Variants in TSPAN18 observed in about 807,000 individuals in gnomAD.
TSPAN18 encodes the protein tetraspanin-18.
TSPAN18 carries 14 observed loss-of-function variants against 27.3 expected under a neutral mutation model. That is an observed-to-expected ratio of 0.51 (90% confidence interval 0.34 to 0.80). The LOEUF is 0.80. Among genes scored for constraint, TSPAN18 ranks in the 30% least tolerant of loss-of-function variants. The probability of loss-of-function intolerance (pLI) is 0.01; values close to 1 mark genes in which losing one functional copy is unlikely to be tolerated. For missense variants in TSPAN18, 268 were observed against 323.9 expected, an observed-to-expected ratio of 0.83 and a Z score of 1.32; for synonymous variants, 143 against 136.5, an observed-to-expected ratio of 1.05 and a Z score of -0.33.
In TSPAN18 at chr11:44,908,825, A is replaced by G. The variant is rs936943012; in HGVS notation, c.64-880A>G. On this transcript the variant is annotated intron_variant, in intron 4 of 9. Transcript: ENST00000520358. The stretch of plus-strand genomic sequence containing the variant: ...AAAGAAAGAAAGAAAGAAAGAAAGA[A>G]AGAAAAAGAAAAATGGAGCAGATAT... 2.8e-3 allele frequency among the ~76,000 whole-genome samples: 321 copies of G among 114,756 alleles called. 62 individuals are homozygous for G. The highest frequency in any genetic ancestry group is 0.011 in the African/African-American group (304 of 27,276). 75.3% of individuals were successfully genotyped at this position (114,756 alleles called of 152,430 possible). A position where few individuals can be genotyped will look rare whatever the true frequency, so the allele number is the denominator to read the frequency against.
chr11:44,919,377 C>T lies in TSPAN18; in HGVS notation c.432+65C>T, dbSNP rs549229369. On this transcript the variant is annotated intron_variant, in intron 7 of 9. Transcript: ENST00000520358. ...ACGATGCCCAGTGTTCACATGCCCA[C>T]GCCAGGCATCAGTAATCAATCCAGG... The T allele has an allele frequency of 4.0e-4, 542 of 1,349,410 alleles. 6 individuals are homozygous for T. In the South Asian group the frequency reaches 5.4e-3, roughly 13 times the overall value. The allele number at this position is 1,349,410 out of a possible 1,614,324, so 83.6% of individuals were successfully genotyped here.
intron 2 of TSPAN18, among the ~76,000 whole-genome samples, chr11:44,807,527 C>CAAAAAAAAAAAA (rs59241339): frequency 2.6e-3 from 170 of 64,320 alleles, no homozygotes; most frequent in Middle Eastern, 0.015. Flanking sequence ...AACTCCATCT[C>CAAAAAAAAAAAA]AAAAAAAAAA....
At chr11:44,900,206 C>T (rs1859207360) in intron 3 of TSPAN18, among the ~76,000 whole-genome samples, 1 of 152,198 alleles carries the variant, frequency 6.6e-6, no homozygotes, top group Non-Finnish European at 1.5e-5. Context: ...CAGTAGGCCT[C>T]TATAGGGGAT....
intron 4 of TSPAN18, chr11:44,909,397 C>T (rs1859623509): frequency 9.4e-6 from 3 of 320,468 alleles, no homozygotes; most frequent in Admixed American, 4.8e-5. Context: ...TCCTACAGGT[C>T]TGACATTTCA....
chr11:44,769,061 A>AT (rs1159974930), intron 2 of TSPAN18, among the ~76,000 whole-genome samples: 1 of 151,764 alleles, frequency 6.6e-6, no homozygotes, highest in Non-Finnish European at 1.5e-5. Context: ...TGCCCAGCTA[A>AT]TTTTTTTGTA....
At chr11:44,858,211 T>C (rs1857785931) in intron 2 of TSPAN18, among the ~76,000 whole-genome samples, 1 of 152,164 alleles carries the variant, frequency 6.6e-6, no homozygotes. Flanking sequence ...TGGTCTCAAA[T>C]GCCTGCCCCC....
intron 1 of TSPAN18, among the ~76,000 whole-genome samples, chr11:44,734,008 C>T (rs1456450293): frequency 2.6e-5 from 4 of 152,088 alleles, no homozygotes; most frequent in Non-Finnish European, 4.4e-5. Context: ...GCCTGGTGCC[C>T]TTCCTCAAGT....
intron 3 of TSPAN18, among the ~76,000 whole-genome samples, chr11:44,885,620 C>T (rs1320279590): frequency 6.6e-6 from 1 of 152,156 alleles, no homozygotes; most frequent in African/African-American, 2.4e-5. Context: ...CTCCAAGGAG[C>T]AGCTGGGATG....
chr11:44,850,427 G>T (rs925269777), intron 2 of TSPAN18, among the ~76,000 whole-genome samples: 1 of 152,134 alleles, frequency 6.6e-6, no homozygotes, highest in Admixed American at 6.5e-5. Flanking sequence ...TCCCAGTGAG[G>T]ACAAGGGTGA....
rs919767221 is a variant in TSPAN18 at position 44,889,531 on chromosome 11, G to A, written c.-10-16876G>A. ...GGCTGGCTGGCCCCAGCAGGAGGCC[G>A]GTGGCATCAACCATCCAGTTTGGGC... On this transcript the variant is annotated intron_variant, in intron 3 of 9. Transcript: ENST00000520358. Among the ~76,000 whole-genome samples, 19 of 152,234 alleles carry A rather than the reference G, an allele frequency of 1.2e-4. 1 individual carries two copies. Among genetic ancestry groups the A allele is most frequent in the East Asian group, 3.9e-4 (2 of 5,190 alleles).
At chr11:44,896,205 A>G (rs1859042611) in intron 3 of TSPAN18, among the ~76,000 whole-genome samples, 1 of 152,052 alleles carries the variant, frequency 6.6e-6, no homozygotes, top group African/African-American at 2.4e-5. Flanking sequence ...AACCTGTGGT[A>G]GCCTGCCTCG....
At chr11:44,746,263 G>A (rs1855074742) in intron 1 of TSPAN18, among the ~76,000 whole-genome samples, 1 of 152,068 alleles carries the variant, frequency 6.6e-6, no homozygotes, top group Non-Finnish European at 1.5e-5. Flanking sequence ...CTTCTCTCTG[G>A]GACTCCCAGC....
intron 2 of TSPAN18, among the ~76,000 whole-genome samples, chr11:44,819,263 CG>C (rs923126937): frequency 3.3e-5 from 5 of 152,124 alleles, no homozygotes; most frequent in Admixed American, 2.0e-4. Flanking sequence ...TTTGCACCCA[CG>C]CAAGCTGCTG....
At chr11:44,915,603 G>T (rs1859875444) in intron 5 of TSPAN18, among the ~76,000 whole-genome samples, 1 of 152,204 alleles carries the variant, frequency 6.6e-6, no homozygotes. Flanking sequence ...GCAAACCTCA[G>T]CCAGGCAACC....
intron 3 of TSPAN18, among the ~76,000 whole-genome samples, chr11:44,889,066 G>A (rs1479698133): frequency 6.6e-6 from 1 of 152,174 alleles, no homozygotes; most frequent in Non-Finnish European, 1.5e-5. Flanking sequence ...GGTGCCTTCC[G>A]CCATGATTGT....
At chr11:44,798,898 CCTT>C (rs1239672125) in intron 2 of TSPAN18, among the ~76,000 whole-genome samples, 1 of 152,138 alleles carries the variant, frequency 6.6e-6, no homozygotes, top group Non-Finnish European at 1.5e-5. Flanking sequence ...TCTTCCAAGT[CCTT>C]CTTTATTGAA....
At chr11:44,819,701 C>CTT (rs11378177) in intron 2 of TSPAN18, among the ~76,000 whole-genome samples, 2 of 144,028 alleles carry the variant, frequency 1.4e-5, no homozygotes, top group Non-Finnish European at 3.0e-5. Flanking sequence ...GCTTGGAAGG[C>CTT]TTTTTTTTTT....
chr11:44,794,669 G>T (rs1348890556), intron 2 of TSPAN18, among the ~76,000 whole-genome samples: 1 of 149,348 alleles, frequency 6.7e-6, no homozygotes, highest in African/African-American at 2.5e-5. Flanking sequence ...CTCTGTCTCA[G>T]GAAAAAAAAA....
At chr11:44,852,715 G>A (rs1857635481) in intron 2 of TSPAN18, among the ~76,000 whole-genome samples, 1 of 152,216 alleles carries the variant, frequency 6.6e-6, no homozygotes, top group Non-Finnish European at 1.5e-5. Context: ...GCATCTGAGG[G>A]TCCTTATATA....
Sources: gnomAD v4.1 joint callset for allele counts (sites outside exome capture counted in the v4.1 genomes callset) on GRCh38, gnomAD v4.1.1 for gene constraint, MANE v1.5 for transcripts, NCBI Gene and HGNC (gene_info 2026-07-23, HGNC 2026-07-21) for gene names.